GALNTL6: variants seen among roughly 807,000 people sequenced by gnomAD.
The protein encoded by GALNTL6 is polypeptide N-acetylgalactosaminyltransferase-like 6.
Under a neutral mutation model 73.7 loss-of-function variants are expected in GALNTL6, and 46 were observed. The ratio of observed to expected loss-of-function variants is 0.62; its 90% CI spans 0.49 to 0.80. The LOEUF is 0.80. Among genes scored for constraint, GALNTL6 ranks in the 30% least tolerant of loss-of-function variants. The pLI, the probability that GALNTL6 is intolerant of heterozygous loss-of-function variation, is 0.00. For synonymous variants in GALNTL6, 259 were observed against 263.7 expected (o/e 0.98, Z 0.17); for missense variants, 604 against 755.0 (o/e 0.80, Z 2.34).
chr4:172,040,042 G>T (rs887356980), intron 2 of GALNTL6, among the ~76,000 whole-genome samples: 2 of 152,042 alleles, frequency 1.3e-5, no homozygotes, highest in African/African-American at 4.8e-5. Flanking sequence ...ATATGCTTAT[G>T]AAATAGTAAT....
intron 2 of GALNTL6, among the ~76,000 whole-genome samples, chr4:171,842,637 A>G (rs1422810362): frequency 6.6e-6 from 1 of 152,064 alleles, no homozygotes; most frequent in Non-Finnish European, 1.5e-5. Flanking sequence ...AGGAGGCAAG[A>G]GAGAGAGAAG....
At chr4:172,465,736 C>G (rs899118580) in intron 5 of GALNTL6, among the ~76,000 whole-genome samples, 1 of 152,128 alleles carries the variant, frequency 6.6e-6, no homozygotes, top group African/African-American at 2.4e-5. Context: ...TATAAATGTT[C>G]TGTCCTGAGT....
Position 172,912,307 on chromosome 4 carries a change from G to A in GALNTL6, c.1042-18854G>A, listed in dbSNP as rs146471878. Among the ~76,000 whole-genome samples, 1,304 of 152,270 alleles carry A rather than the reference G, an allele frequency of 8.6e-3. 14 individuals carry two copies. Among genetic ancestry groups the A allele is most frequent in the African/African-American group, 0.027 (1,134 of 41,548 alleles). On this transcript the variant is annotated intron_variant, in intron 8 of 12. Transcript: ENST00000506823. ...GTCTACAGCTCCCAGTGTCAGCAAC[G>A]CAGAAGACGGGTGATTTCTGCATTT... is the stretch of plus-strand genomic sequence containing the variant.
chr4:172,012,870 C>T (rs1428770934), intron 2 of GALNTL6, among the ~76,000 whole-genome samples: 2 of 152,042 alleles, frequency 1.3e-5, no homozygotes, highest in African/African-American at 4.8e-5. Context: ...CAGTTGCATT[C>T]ATTTTTGTAG....
intron 6 of GALNTL6, among the ~76,000 whole-genome samples, chr4:172,811,734 G>A (rs1741310302): frequency 6.6e-6 from 1 of 152,120 alleles, no homozygotes; most frequent in Non-Finnish European, 1.5e-5. Flanking sequence ...TGGCTTACCA[G>A]GGCCATGCTC....
intron 7 of GALNTL6, among the ~76,000 whole-genome samples, chr4:172,855,330 A>T (rs551287561): frequency 2.4e-4 from 37 of 152,118 alleles, no homozygotes; most frequent in African/African-American, 8.7e-4. Flanking sequence ...AGTATTTTGT[A>T]TTTATTTTGA....
At chr4:172,667,714 G>A (rs573259626) in intron 5 of GALNTL6, 1 of 152,318 alleles carries the variant, frequency 6.6e-6, no homozygotes, top group East Asian at 1.9e-4. Context: ...CAGGGAGCAG[G>A]AATTTTGTGG....
chr4:172,801,632 T>C (rs79545453), intron 5 of GALNTL6, among the ~76,000 whole-genome samples: 130 of 152,346 alleles, frequency 8.5e-4, no homozygotes, highest in African/African-American at 2.9e-3. Flanking sequence ...GGCTGTTTAC[T>C]ACTCCATAAG....
rs1419168174 is a variant in GALNTL6, at chr4:171,942,724, C to A, written c.138+128006C>A. On this transcript the variant is annotated intron_variant, in intron 2 of 12. Transcript: ENST00000506823. ...GCAAGCCATCTGAGAAAGTTTTCTG[C>A]ATGCAGCCATCGTAGGATCTATATT... 3.3e-5 allele frequency among the ~76,000 whole-genome samples: 5 copies of A among 152,216 alleles called. No homozygotes were observed. In the East Asian group the frequency reaches 9.6e-4, roughly 29 times the overall value.
intron 10 of GALNTL6, among the ~76,000 whole-genome samples, chr4:172,975,908 G>A (rs1750784596): frequency 6.6e-6 from 1 of 152,188 alleles, no homozygotes; most frequent in Non-Finnish European, 1.5e-5. Context: ...GCAGGGTTGG[G>A]GCGGAGGTGG....
At chr4:172,692,337 T>G (rs550582146) in intron 5 of GALNTL6, among the ~76,000 whole-genome samples, 2 of 152,224 alleles carry the variant, frequency 1.3e-5, no homozygotes, top group African/African-American at 4.8e-5. Flanking sequence ...TCTTAATACA[T>G]TCTAGATTTT....
intron 5 of GALNTL6, among the ~76,000 whole-genome samples, chr4:172,761,896 G>A (rs1441572611): frequency 1.3e-5 from 2 of 152,090 alleles, no homozygotes; most frequent in Non-Finnish European, 2.9e-5. Flanking sequence ...CTAATACAAT[G>A]TTCTTCCACT....
intron 5 of GALNTL6, among the ~76,000 whole-genome samples, chr4:172,708,241 A>G (rs1560895067): frequency 6.6e-6 from 1 of 152,036 alleles, no homozygotes; most frequent in African/African-American, 2.4e-5. Flanking sequence ...AGAAACGTGG[A>G]GTTTTGCTAT....
rs535037975 is a variant in GALNTL6, at chr4:173,001,868, G to C, written c.1372-7310G>C. Among the ~76,000 whole-genome samples, 104 of 152,170 alleles carry C rather than the reference G, an allele frequency of 6.8e-4. 1 individual carries two copies. Among genetic ancestry groups the C allele is most frequent in the Non-Finnish European group, 1.9e-4 (13 of 68,026 alleles). ...ATTACATAAACCAAAAAAACTACAA[G>C]TGTTGGCAAAAATATGAAGAAATTG... On this transcript the variant is annotated intron_variant, in intron 10 of 12. Coordinates refer to ENST00000506823, the MANE Select transcript of GALNTL6 (RefSeq NM_001034845.3).
chr4:171,872,708 T>C (rs1736172651), intron 2 of GALNTL6, among the ~76,000 whole-genome samples: 1 of 152,176 alleles, frequency 6.6e-6, no homozygotes, highest in Non-Finnish European at 1.5e-5. Flanking sequence ...TGTGTGTCAG[T>C]CTGTTTCCAA....
At chr4:172,294,124 T>G (rs1349155137) in intron 3 of GALNTL6, among the ~76,000 whole-genome samples, 1 of 151,994 alleles carries the variant, frequency 6.6e-6, no homozygotes, top group African/African-American at 2.4e-5. Context: ...AGTCTTTTAC[T>G]TCTTTATTGA....
intron 5 of GALNTL6, among the ~76,000 whole-genome samples, chr4:172,502,464 C>T (rs1282283033): frequency 1.5e-5 from 2 of 135,482 alleles, no homozygotes; most frequent in African/African-American, 2.7e-5. Flanking sequence ...ACATTCAACT[C>T]ATAGATGTGA....
chr4:172,202,639 A>T (rs1735990843), intron 2 of GALNTL6, among the ~76,000 whole-genome samples: 1 of 152,182 alleles, frequency 6.6e-6, no homozygotes, highest in Admixed American at 6.6e-5. Context: ...TTGTGAAATC[A>T]GTGTGGTCTG....
intron 5 of GALNTL6, among the ~76,000 whole-genome samples, chr4:172,514,706 A>G (rs1160750894): frequency 6.6e-6 from 1 of 152,060 alleles, no homozygotes; most frequent in African/African-American, 2.4e-5. Flanking sequence ...AACGCTCCCC[A>G]AGGGCCCCTG....
Sources: gnomAD v4.1 joint callset for allele counts (sites outside exome capture counted in the v4.1 genomes callset) on GRCh38, gnomAD v4.1.1 for gene constraint, MANE v1.5 for transcripts, NCBI Gene and HGNC (gene_info 2026-07-23, HGNC 2026-07-21) for gene names.